Variants in ACSBG2 observed in about 807,000 individuals in gnomAD.
The protein encoded by ACSBG2 is acyl-CoA synthetase bubblegum family member 2, also known as long-chain-fatty-acid--CoA ligase ACSBG2.
Under a neutral mutation model 74.7 loss-of-function variants are expected in ACSBG2, and 62 were observed. The observed-to-expected ratio is 0.83, with a 90% CI of 0.68 to 1.03. The LOEUF (loss-of-function observed/expected upper bound fraction) is 1.03, where lower values mean the gene tolerates loss of function less well. ACSBG2 is among the 50% of genes least tolerant of loss of function. The pLI, the probability that ACSBG2 is intolerant of heterozygous loss-of-function variation, is 0.00. For missense variants in ACSBG2, 730 were observed against 817.6 expected (o/e 0.89, Z 1.31); for synonymous variants, 309 against 294.1 (o/e 1.05, Z -0.52).
At chr19:6,152,945 T>C (rs2089287970) in intron 4 of ACSBG2, among the ~76,000 whole-genome samples, 1 of 152,176 alleles carries the variant, frequency 6.6e-6, no homozygotes, top group South Asian at 2.1e-4. Context: ...ACAACTATGC[T>C]TAAAATTTAA....
intron 6 of ACSBG2, among the ~76,000 whole-genome samples, chr19:6,163,114 A>C (rs989006589): frequency 1.6e-5 from 2 of 128,468 alleles, no homozygotes; most frequent in Admixed American, 1.8e-4. Flanking sequence ...GTCTCTACTA[A>C]AAATACAAAT....
intron 11 of ACSBG2, among the ~76,000 whole-genome samples, 183 bp from the exon 12 acceptor site, chr19:6,187,100 G>T (rs2090429913): frequency 6.6e-6 from 1 of 151,154 alleles, no homozygotes; most frequent in African/African-American, 2.4e-5. Flanking sequence ...CGCCTCCCAG[G>T]TTCAAGTGAT....
chr19:6,162,566 CAAAAAAAAA>C (rs58138677), intron 6 of ACSBG2, among the ~76,000 whole-genome samples: 1 of 84,204 alleles, frequency 1.2e-5, no homozygotes, highest in African/African-American at 4.3e-5. Flanking sequence ...GACTCCGTCT[CAAAAAAAAA>C]AAAAAAAAAA....
chr19:6,191,869 T>A (rs533750518), intron 14 of ACSBG2: 1 of 152,214 alleles, frequency 6.6e-6, no homozygotes, highest in African/African-American at 2.4e-5. Flanking sequence ...ACGTACCACA[T>A]TCATAATTCT....
chr19:6,147,380 G>GC lies in ACSBG2; in HGVS notation c.68-60dup, dbSNP rs1345817593. ...CCTTAGGTCCAAAAAGACACCAACC[G>GC]CCCCCCGTCCAAAGTTATTAAATAA... On this transcript the variant is annotated intron_variant, in intron 2 of 14. Coordinates refer to ENST00000588485, the MANE Select transcript of ACSBG2 (RefSeq NM_030924.5). 2.2e-5 allele frequency: 30 copies of GC among 1,381,424 alleles called. 1 individual carries two copies. The East Asian group carries it at 3.8e-4, about 17-fold the overall frequency. 85.6% of individuals were successfully genotyped at this position (1,381,424 alleles called of 1,614,324 possible).
At chr19:6,156,397 T>C in intron 4 of ACSBG2, 34 bp from the exon 5 acceptor site, 3 of 1,575,004 alleles carry the variant, frequency 1.9e-6, no homozygotes, top group Middle Eastern at 1.7e-4. Flanking sequence ...AAGGTGTGTG[T>C]GGATGCACAC....
rs754045502 is a variant in ACSBG2 at position 6,185,551 on chromosome 19, A to C, written c.1438A>C (p.Thr480Pro). The change falls in exon 11 of 15, where the codon ACT becomes CCT. Residue 480 changes from threonine to proline, a missense_variant. Transcript: ENST00000588485. ...HIFMGYLESE[T>P]ETTEAIDDEG... The stretch of plus-strand genomic sequence containing the variant: ...CTTCATGGGCTATCTGGAAAGTGAG[A>C]CTGAAACTACAGAGGCCATCGATGA... 6.2e-7 allele frequency: 1 copy of C among 1,614,158 alleles called. No homozygotes were observed. Among genetic ancestry groups the C allele is most frequent in the Non-Finnish European group, 8.5e-7 (1 of 1,180,024 alleles).
intron 11 of ACSBG2, 76 bp from the exon 12 acceptor site, chr19:6,187,207 G>T: frequency 2.5e-6 from 4 of 1,592,284 alleles, no homozygotes; most frequent in Non-Finnish European, 2.6e-6. Context: ...GTTTCACCAT[G>T]TTGGCCAGGC....
chr19:6,184,863 A>C (rs1261032575), intron 10 of ACSBG2, among the ~76,000 whole-genome samples: 7 of 139,912 alleles, frequency 5.0e-5, no homozygotes, highest in South Asian at 4.5e-4. Flanking sequence ...AAAAAAAAAA[A>C]AAAAAAAAAC....
rs556996493 is a variant in ACSBG2 at position 6,149,504 on chromosome 19, C to CTT, written c.297+1850_297+1851dup. On this transcript the variant is annotated intron_variant, in intron 3 of 14. Transcript: ENST00000588485. Reference sequence around the variant, plus strand: ...CAAGTCTGTACCTTTACATGTGCAACTTTTTTTTTTTTTTTTTTTTTTAGA... The same window carrying CTT: ...CAAGTCTGTACCTTTACATGTGCAACTTTTTTTTTTTTTTTTTTTTTTTTAGA... Among the ~76,000 whole-genome samples the CTT allele has an allele frequency of 2.6e-3, 337 of 127,908 alleles. 9 individuals carry two copies. Among genetic ancestry groups the CTT allele is most frequent in the African/African-American group, 9.5e-3 (316 of 33,234 alleles). 83.9% of individuals were successfully genotyped at this position (127,908 alleles called of 152,430 possible).
chr19:6,147,780 A>G, intron 3 of ACSBG2, 105 bp downstream of exon 3: 2 of 1,315,640 alleles, frequency 1.5e-6, no homozygotes, highest in Middle Eastern at 1.9e-4. Context: ...AAAGATACAA[A>G]GGTTAATTGG....
In ACSBG2 at chr19:6,163,435, C is replaced by A. The variant is rs1269884521; in HGVS notation, c.588+2140C>A. ...ACTGCACTCAAGCCTGGCGAAAGAG[C>A]GAGACTCCATCTAAAAAAAAAAAGG... is the stretch of plus-strand genomic sequence containing the variant. On this transcript the variant is annotated intron_variant, in intron 6 of 14. Coordinates refer to ENST00000588485, the MANE Select transcript of ACSBG2 (RefSeq NM_030924.5). 5.5e-5 allele frequency among the ~76,000 whole-genome samples: 2 copies of A among 36,676 alleles called. 1 individual carries two copies. Among genetic ancestry groups the A allele is most frequent in the Non-Finnish European group, 1.5e-4 (2 of 13,038 alleles). 24.1% of individuals were successfully genotyped at this position (36,676 alleles called of 152,430 possible). A position where few individuals can be genotyped will look rare whatever the true frequency, so the allele number is the denominator to read the frequency against.
chr19:6,158,412 G>A (rs1436502080), intron 5 of ACSBG2, among the ~76,000 whole-genome samples: 4 of 147,410 alleles, frequency 2.7e-5, no homozygotes, highest in East Asian at 3.9e-4. Flanking sequence ...TTTTATTTGT[G>A]TACAGTGAAA....
intron 4 of ACSBG2, among the ~76,000 whole-genome samples, chr19:6,152,435 C>T (rs182054148): frequency 0.08 from 6,016 of 75,444 alleles, 2,005 homozygotes; most frequent in African/African-American, 0.21. Flanking sequence ...GGACTACAGG[C>T]GCCCGCCACC....
Position 6,183,063 on chromosome 19 carries a change from C to T in ACSBG2, c.1113C>T (p.Tyr371=). The change falls in exon 10 of 15, where the codon TAC becomes TAT. Residue 371 remains tyrosine, a synonymous_variant. Coordinates refer to ENST00000588485, the MANE Select transcript of ACSBG2 (RefSeq NM_030924.5). The stretch of plus-strand genomic sequence containing the variant: ...GGAAATATAATACTCCCGTGAGCTA[C>T]CGCATGGCTAAGACTCTCGTGTTCA... ...MLGKYNTPVS[Y]RMAKTLVFSK... is the part of the protein sequence containing the mutation. 1.2e-6 allele frequency: 2 copies of T among 1,614,200 alleles called. No homozygotes were observed. The highest frequency in any genetic ancestry group is 2.2e-5 in the South Asian group (2 of 91,086).
At chr19:6,188,510 G>A (rs75291791) in intron 13 of ACSBG2, among the ~76,000 whole-genome samples, 15,835 of 151,908 alleles carry the variant, frequency 0.1, 1,646 homozygotes, top group African/African-American at 0.27. Flanking sequence ...GTATGGTAGC[G>A]GTGCCCAGCT....
At chr19:6,166,595 G>A (rs1177112809) in intron 7 of ACSBG2, among the ~76,000 whole-genome samples, 1 of 151,888 alleles carries the variant, frequency 6.6e-6, no homozygotes, top group African/African-American at 2.4e-5. Context: ...TTACAGGCAT[G>A]AGCCACCACG....
intron 5 of ACSBG2, among the ~76,000 whole-genome samples, 187 bp from the exon 6 acceptor site, chr19:6,161,028 A>G (rs989403808): frequency 2.0e-5 from 3 of 149,958 alleles, no homozygotes; most frequent in African/African-American, 4.9e-5. Context: ...TCAACCCGGG[A>G]GGCGGAGGTT....
intron 7 of ACSBG2, among the ~76,000 whole-genome samples, chr19:6,169,317 C>T (rs988938716): frequency 1.3e-5 from 2 of 152,174 alleles, no homozygotes; most frequent in Admixed American, 6.5e-5. Context: ...ACATGGCTAG[C>T]CAGTTTTCCC....
Sources: allele counts gnomAD v4.1 joint callset (sites outside exome capture counted in the v4.1 genomes callset), GRCh38; gene constraint gnomAD v4.1.1; transcripts MANE v1.5; gene names NCBI Gene and HGNC (gene_info 2026-07-23, HGNC 2026-07-21).